Variants in GMCL1 observed in about 807,000 individuals in gnomAD.
The protein encoded by GMCL1 is germ cell-less 1, spermatogenesis associated.
Under a neutral mutation model 75.5 loss-of-function variants are expected in GMCL1, and 54 were observed. The observed-to-expected ratio is 0.71, with a 90% CI of 0.57 to 0.90. GMCL1 has a LOEUF of 0.90. GMCL1 is among the 40% of genes least tolerant of loss of function. The pLI is 0.00. For missense variants in GMCL1, 537 were observed against 622.7 expected (o/e 0.86, Z 1.47); for synonymous variants, 210 against 209.6 (o/e 1.00, Z -0.02).
intron 8 of GMCL1, among the ~76,000 whole-genome samples, chr2:69,851,098 A>G (rs1675307424): frequency 6.6e-6 from 1 of 152,190 alleles, no homozygotes; most frequent in Admixed American, 6.5e-5. Context: ...TGTCATACAT[A>G]TGTTCTGCAC....
intron 13 of GMCL1, among the ~76,000 whole-genome samples, chr2:69,872,342 CAT>C (rs1037579984): frequency 6.6e-5 from 10 of 152,134 alleles, no homozygotes; most frequent in Admixed American, 2.0e-4. Context: ...ACATCACACA[CAT>C]GGAGAAGTTT....
chr2:69,839,759 A>C (rs11888098), intron 3 of GMCL1, among the ~76,000 whole-genome samples: 31,373 of 151,940 alleles, frequency 0.21, 3,403 homozygotes, highest in African/African-American at 0.25. Flanking sequence ...GGGCCTTATC[A>C]GTTTGTTTAC....
At chr2:69,840,123 A>G (rs899932474) in intron 3 of GMCL1, 5 of 152,278 alleles carry the variant, frequency 3.3e-5, no homozygotes, top group African/African-American at 1.2e-4. Flanking sequence ...AGGCAAAGAA[A>G]TACTTTAGTT....
chr2:69,838,068 A>G (rs1674870169), intron 2 of GMCL1, among the ~76,000 whole-genome samples: 1 of 152,180 alleles, frequency 6.6e-6, no homozygotes, highest in South Asian at 2.1e-4. Flanking sequence ...TTGAGTGTGA[A>G]TAGAAAGTTC....
At chr2:69,841,935 AAG>A (rs1674999822) in intron 4 of GMCL1, among the ~76,000 whole-genome samples, 1 of 152,232 alleles carries the variant, frequency 6.6e-6, no homozygotes, top group South Asian at 2.1e-4. Flanking sequence ...AGGATTGCAG[AAG>A]AGGGGGGCAG....
At chr2:69,838,362 A>AAAAAAAAAAAAAAAC (rs1674882624) in intron 2 of GMCL1, among the ~76,000 whole-genome samples, 1 of 150,674 alleles carries the variant, frequency 6.6e-6, no homozygotes, top group African/African-American at 2.5e-5. Context: ...AAAAAAAAAA[A>AAAAAAAAAAAAAAAC]AATCGGAGCT....
rs1252384886 is a variant in GMCL1, at chr2:69,879,144, G to A, written c.*140G>A. 1 of 618,340 alleles carries A rather than the reference G, an allele frequency of 1.6e-6. No individual in the cohort carries two copies. The highest frequency in any genetic ancestry group is 2.9e-5 in the Admixed American group (1 of 34,434). 38.3% of individuals were successfully genotyped at this position (618,340 alleles called of 1,614,324 possible). On this transcript the variant is annotated 3_prime_UTR_variant, in exon 14 of 14. Transcript: ENST00000282570. ...TCGAAGGTGACTAACAATGACAAAGGCCTTATGAACTGTACAGACAATACA... is the reference window on the plus strand; with the variant it reads ...TCGAAGGTGACTAACAATGACAAAGACCTTATGAACTGTACAGACAATACA...
intron 9 of GMCL1, among the ~76,000 whole-genome samples, chr2:69,859,742 T>TTA: frequency 1.3e-5 from 1 of 79,136 alleles, no homozygotes; most frequent in Non-Finnish European, 2.3e-5. Context: ...TCTCTCTCTC[T>TTA]AAAAAAAAAA....
chr2:69,835,769 G>T (rs374355871), intron 1 of GMCL1, among the ~76,000 whole-genome samples: 5 of 152,142 alleles, frequency 3.3e-5, no homozygotes, highest in Non-Finnish European at 7.3e-5. Context: ...TGTTTCCTTC[G>T]AATTTAAAAT....
rs374009301 is a variant in GMCL1 at position 69,831,305 on chromosome 2, C to T, written c.260+1153C>T. Reference sequence around the variant, plus strand: ...TAAAAAAGGAATCATAGATTAAAAACTTAATAGTTTGGTTTATAAAACCTT... The same window carrying T: ...TAAAAAAGGAATCATAGATTAAAAATTTAATAGTTTGGTTTATAAAACCTT... On this transcript the variant is annotated intron_variant, in intron 1 of 13. Transcript: ENST00000282570. Among the ~76,000 whole-genome samples the T allele has an allele frequency of 5.3e-5, 8 of 152,288 alleles. No individual in the cohort carries two copies. In the East Asian group the frequency reaches 1.2e-3, roughly 22 times the overall value.
chr2:69,863,809 A>C (rs1017056337), intron 10 of GMCL1, among the ~76,000 whole-genome samples: 1 of 152,164 alleles, frequency 6.6e-6, no homozygotes, highest in African/African-American at 2.4e-5. Flanking sequence ...TCTGCACTAA[A>C]TGTGCACTAA....
intron 1 of GMCL1, among the ~76,000 whole-genome samples, chr2:69,834,286 G>A (rs936197232): frequency 6.6e-6 from 1 of 152,040 alleles, no homozygotes; most frequent in Non-Finnish European, 1.5e-5. Flanking sequence ...CCATCCTCCT[G>A]TTCCAATCTG....
chr2:69,860,838 TTTGTCTGTCTGTTTGA>T (rs1322062534), intron 9 of GMCL1, among the ~76,000 whole-genome samples: 1 of 152,146 alleles, frequency 6.6e-6, no homozygotes, highest in East Asian at 1.9e-4. Flanking sequence ...TGTTTGTTTG[TTTGTCTGTCTGTTTGA>T]TTGTTTGAGA....
At chr2:69,830,622 A>C (rs1674644875) in intron 1 of GMCL1, among the ~76,000 whole-genome samples, 1 of 152,156 alleles carries the variant, frequency 6.6e-6, no homozygotes, top group Non-Finnish European at 1.5e-5. Context: ...AGTTCTTGTT[A>C]ATTGTAAAGG....
In GMCL1 at chr2:69,829,990, A is replaced by T. The variant is rs892311150; in HGVS notation, c.98A>T (p.Asp33Val). 1.3e-6 allele frequency: 2 copies of T among 1,580,212 alleles called. No individual in the cohort carries two copies. Among genetic ancestry groups the T allele is most frequent in the Admixed American group, 3.6e-5 (2 of 54,878 alleles). Residue 33 changes from aspartate to valine, a missense_variant, in exon 1 of 14, where the codon GAC becomes GTC. By Grantham distance (152) the Asp-to-Val change is radical (BLOSUM62 -3). Around this residue, in one of 3 missense-constraint regions of GMCL1, gnomAD observed 144 missense variants for 127.2 expected, o/e 1.13. Coordinates refer to ENST00000282570, the MANE Select transcript of GMCL1 (RefSeq NM_178439.5). The part of the protein sequence containing the change: ...ARAGGSARRP[D>V]TGDDAAGHGF... Reference sequence around the variant, plus strand: ...GCGGGGGGCTCGGCCCGGAGGCCGGACACTGGAGACGATGCGGCGGGCCAC... The same window carrying T: ...GCGGGGGGCTCGGCCCGGAGGCCGGTCACTGGAGACGATGCGGCGGGCCAC...
chr2:69,861,331 C>A lies in GMCL1; in HGVS notation c.1126C>A (p.Gln376Lys). 6.2e-7 allele frequency: 1 copy of A among 1,608,960 alleles called. No homozygotes were observed. The highest frequency in any genetic ancestry group is 8.5e-7 in the Non-Finnish European group (1 of 1,176,386). ...QQWFAMLRAE[Q>K]DSEVGPQEIN... ...GTGGTTTGCTATGCTGCGGGCAGAA[C>A]AGGACAGTGAGGTGGGGTAAGTATA... The change falls in exon 10 of 14, where the codon CAG becomes AAG. Residue 376 changes from glutamine (Q) to lysine (K), a missense_variant. By Grantham distance (53) the Gln-to-Lys change is moderately conservative. Coordinates refer to ENST00000282570, the MANE Select transcript of GMCL1 (RefSeq NM_178439.5).
chr2:69,869,417 C>CAAAAAAAAAAAAAAAAAAAA, intron 11 of GMCL1: 1 of 63,782 alleles, frequency 1.6e-5, no homozygotes, highest in Non-Finnish European at 2.9e-5. Flanking sequence ...GACTCTGTCT[C>CAAAAAAAAAAAAAAAAAAAA]AAAAAAAAAA....
chr2:69,880,023 T>A lies in GMCL1; in HGVS notation c.*1019T>A, dbSNP rs1319494829. The A allele has an allele frequency of 2.0e-5, 3 of 152,184 alleles. No individual in the cohort carries two copies. The highest frequency in any genetic ancestry group is 4.4e-5 in the Non-Finnish European group (3 of 68,018). 9.4% of individuals were successfully genotyped at this position (152,184 alleles called of 1,614,324 possible). ...TCAGAGGATGTAATATGGAGCCTGA[T>A]GATGAAGCATTAATGTAAAAATGGA... On this transcript the variant is annotated 3_prime_UTR_variant, in exon 14 of 14. Transcript: ENST00000282570.
intron 7 of GMCL1, among the ~76,000 whole-genome samples, chr2:69,848,601 A>G (rs1255837669): frequency 6.6e-6 from 1 of 152,176 alleles, no homozygotes; most frequent in Non-Finnish European, 1.5e-5. Flanking sequence ...CCAGCTACTC[A>G]GCAGGCTGAG....
Sources: allele counts gnomAD v4.1 joint callset (sites outside exome capture counted in the v4.1 genomes callset), GRCh38; gene constraint gnomAD v4.1.1; regional missense constraint gnomAD v4.1.1; transcripts MANE v1.5; gene names NCBI Gene and HGNC (gene_info 2026-07-23, HGNC 2026-07-21).